The following DCK variants were observed in gnomAD, a reference collection of about 807,000 sequenced individuals.
The protein encoded by DCK is deoxyadenosine kinase.
A neutral mutation model predicts 38.3 loss-of-function variants in DCK; 23 were observed. The ratio of observed to expected loss-of-function variants is 0.60; its 90% CI spans 0.43 to 0.85. The LOEUF (loss-of-function observed/expected upper bound fraction) is 0.85, where lower values mean the gene tolerates loss of function less well. Among genes scored for constraint, DCK ranks in the 40% least tolerant of loss-of-function variants. The pLI is 0.00. For synonymous variants in DCK, 108 were observed against 100.6 expected, an observed-to-expected ratio of 1.07 and a Z score of -0.44; for missense variants, 259 against 304.4, an observed-to-expected ratio of 0.85 and a Z score of 1.11.
chr4:70,995,467 C>T (rs1319370165), intron 1 of DCK, among the ~76,000 whole-genome samples: 1 of 152,170 alleles, frequency 6.6e-6, no homozygotes, highest in African/African-American at 2.4e-5. Flanking sequence ...GTGCCTCCAG[C>T]TACTCAGGAG....
chr4:70,993,824 C>G lies in DCK; in HGVS notation c.-12C>G, dbSNP rs200193775. 238 of 1,607,290 alleles carry G rather than the reference C, an allele frequency of 1.5e-4. No homozygotes were observed. In the Middle Eastern group the frequency reaches 4.3e-3, roughly 29 times the overall value. On this transcript the variant is annotated 5_prime_UTR_variant, in exon 1 of 7. Coordinates refer to ENST00000286648, the MANE Select transcript of DCK (RefSeq NM_000788.3). ...TTGCCGGACGAGCTCTGGGCCGCCACAAGACTAAGGAATGGCCACCCCGCC... is the reference window on the plus strand; with the variant it reads ...TTGCCGGACGAGCTCTGGGCCGCCAGAAGACTAAGGAATGGCCACCCCGCC...
intron 2 of DCK, among the ~76,000 whole-genome samples, chr4:71,010,422 G>A (rs1740057823): frequency 6.6e-6 from 1 of 150,986 alleles, no homozygotes. Context: ...TAGGCCCAAA[G>A]TTTTGATTTA....
Position 71,016,316 on chromosome 4 carries a change from C to T in DCK, c.208-6051C>T, listed in dbSNP as rs142264574. Reference sequence around the variant, plus strand: ...AACAAATGGAAGAACATTTCATGCTCGTGGATAGGAAGAATCAATATCGTG... The same window carrying T: ...AACAAATGGAAGAACATTTCATGCTTGTGGATAGGAAGAATCAATATCGTG... On this transcript the variant is annotated intron_variant, in intron 2 of 6. Transcript: ENST00000286648. Among the ~76,000 whole-genome samples the T allele has an allele frequency of 3.7e-4, 56 of 152,262 alleles. 1 individual carries two copies. The highest frequency in any genetic ancestry group is 1.3e-3 in the African/African-American group (52 of 41,530).
chr4:71,021,753 T>G (rs1740428200), intron 2 of DCK, among the ~76,000 whole-genome samples: 1 of 152,100 alleles, frequency 6.6e-6, no homozygotes. Flanking sequence ...ACGTAATCCC[T>G]GCACTTTGGG....
At chr4:70,998,925 C>CAA (rs1209192017) in intron 2 of DCK, among the ~76,000 whole-genome samples, 3 of 95,146 alleles carry the variant, frequency 3.2e-5, no homozygotes, top group African/African-American at 3.7e-5. Flanking sequence ...ACTGTCTCAA[C>CAA]AAAAAAAAAA....
chr4:71,004,283 C>T lies in DCK; in HGVS notation c.207+6101C>T, dbSNP rs530206946. ...ATCCTGTTTGCCTGGGTATCACCAG[C>T]GGAGGCTGCAGAACAGCAAAGATTG... On this transcript the variant is annotated intron_variant, in intron 2 of 6. Coordinates refer to ENST00000286648, the MANE Select transcript of DCK (RefSeq NM_000788.3). Among the ~76,000 whole-genome samples, 21 of 152,356 alleles carry T rather than the reference C, an allele frequency of 1.4e-4. No homozygotes were observed. In the South Asian group the frequency reaches 3.5e-3, roughly 26 times the overall value.
At chr4:71,020,415 C>G (rs1182095843) in intron 2 of DCK, among the ~76,000 whole-genome samples, 1 of 152,120 alleles carries the variant, frequency 6.6e-6, no homozygotes, top group Non-Finnish European at 1.5e-5. Context: ...TTGTAAAATT[C>G]CCAATTAACT....
chr4:70,994,075 C>T lies in DCK; in HGVS notation c.91+149C>T, dbSNP rs531912291. ...ACGCGGCCTCGGCTTCCTTTCCCACCCAGAGCATCCTTCCCTTACCTCCCG... is the reference window on the plus strand; with the variant it reads ...ACGCGGCCTCGGCTTCCTTTCCCACTCAGAGCATCCTTCCCTTACCTCCCG... On this transcript the variant is annotated intron_variant, in intron 1 of 6. Coordinates refer to ENST00000286648, the MANE Select transcript of DCK (RefSeq NM_000788.3). 27 of 668,362 alleles carry T rather than the reference C, an allele frequency of 4.0e-5. 1 individual carries two copies. The Admixed American group carries it at 4.4e-4, about 11-fold the overall frequency. 41.4% of individuals were successfully genotyped at this position (668,362 alleles called of 1,614,324 possible). A position where few individuals can be genotyped will look rare whatever the true frequency, so the allele number is the denominator to read the frequency against.
chr4:70,996,295 T>A (rs1056395010), intron 1 of DCK, among the ~76,000 whole-genome samples: 2 of 151,836 alleles, frequency 1.3e-5, no homozygotes, highest in African/African-American at 4.8e-5. Flanking sequence ...ACCTATAGTT[T>A]GAGGCTGCCG....
In DCK at chr4:70,995,997, G is replaced by A. The variant is rs72552072; in HGVS notation, c.92-2070G>A. 8.2e-3 allele frequency among the ~76,000 whole-genome samples: 1,255 copies of A among 152,246 alleles called. 9 individuals are homozygous for A. Among genetic ancestry groups the A allele is most frequent in the African/African-American group, 0.029 (1,193 of 41,522 alleles). ...GAGGCAGGAGGATTGCTTGAGGCCA[G>A]GAGTTTGAGACTAGCATGGCAACAT... On this transcript the variant is annotated intron_variant, in intron 1 of 6. Coordinates refer to ENST00000286648, the MANE Select transcript of DCK (RefSeq NM_000788.3).
At position 71,001,586 on chromosome 4, in the gene DCK, G is replaced by A. The variant is rs138439426; in HGVS notation, c.207+3404G>A. 2.0e-4 allele frequency among the ~76,000 whole-genome samples: 31 copies of A among 152,222 alleles called. No homozygotes were observed. In the East Asian group the frequency reaches 6.0e-3, roughly 29 times the overall value. On this transcript the variant is annotated intron_variant, in intron 2 of 6. Coordinates refer to ENST00000286648, the MANE Select transcript of DCK (RefSeq NM_000788.3). ...GTACCAGTTCCTCTTTCTACCTGTG[G>A]TAGAATTCAGCTGTGAATCCATCTG...
intron 4 of DCK, among the ~76,000 whole-genome samples, chr4:71,025,601 A>G (rs979229445): frequency 6.6e-6 from 1 of 152,084 alleles, no homozygotes; most frequent in African/African-American, 2.4e-5. Context: ...CCAAAAATTT[A>G]TAGGCTTATT....
chr4:71,025,561 A>T (rs1249373834), intron 4 of DCK, among the ~76,000 whole-genome samples: 2 of 152,056 alleles, frequency 1.3e-5, no homozygotes. Context: ...CTTTTTATCA[A>T]ACTTAGTATA....
At chr4:70,994,486 C>T (rs1739614853) in intron 1 of DCK, among the ~76,000 whole-genome samples, 1 of 152,168 alleles carries the variant, frequency 6.6e-6, no homozygotes, top group African/African-American at 2.4e-5. Context: ...TAGGCTATAT[C>T]GCCTTTTGTG....
rs540570195 is a variant in DCK, at chr4:70,994,013, A to G, written c.91+87A>G. 6.1e-5 allele frequency: 59 copies of G among 961,618 alleles called. No homozygotes were observed. The East Asian group carries it at 1.4e-3, about 23-fold the overall frequency. 59.6% of individuals were successfully genotyped at this position (961,618 alleles called of 1,614,324 possible). A position where few individuals can be genotyped will look rare whatever the true frequency, so the allele number is the denominator to read the frequency against. On this transcript the variant is annotated intron_variant, in intron 1 of 6. Coordinates refer to ENST00000286648, the MANE Select transcript of DCK (RefSeq NM_000788.3). Reference sequence around the variant, plus strand: ...CCCTTCGCCGCATCTCTCTGCAGCAACTCGGTGAGGGCTTTCCCTCCAGCC... The same window carrying G: ...CCCTTCGCCGCATCTCTCTGCAGCAGCTCGGTGAGGGCTTTCCCTCCAGCC...
intron 1 of DCK, among the ~76,000 whole-genome samples, chr4:70,995,477 G>A (rs2148911063): frequency 6.6e-6 from 1 of 152,314 alleles, no homozygotes; most frequent in South Asian, 2.1e-4. Context: ...CTACTCAGGA[G>A]GCTGAGGCAG....
intron 6 of DCK, among the ~76,000 whole-genome samples, chr4:71,028,120 A>T (rs1264196028): frequency 6.6e-6 from 1 of 152,210 alleles, no homozygotes; most frequent in Non-Finnish European, 1.5e-5. Context: ...ATTGCAAAGT[A>T]TGTGATTCAC....
intron 2 of DCK, among the ~76,000 whole-genome samples, chr4:71,015,689 A>AT (rs1232122412): frequency 6.6e-6 from 1 of 152,214 alleles, no homozygotes; most frequent in Non-Finnish European, 1.5e-5. Flanking sequence ...AAACCACATG[A>AT]TTATCTCAAT....
At chr4:71,022,656 T>G in intron 3 of DCK, 96 bp downstream of exon 3, 1 of 652,152 alleles carries the variant, frequency 1.5e-6, no homozygotes, top group Admixed American at 3.6e-5. Flanking sequence ...TTAGTAATAA[T>G]GAATGGCTGA....
Sources: gnomAD v4.1 joint callset for allele counts (sites outside exome capture counted in the v4.1 genomes callset) on GRCh38, gnomAD v4.1.1 for gene constraint, MANE v1.5 for transcripts, NCBI Gene and HGNC (gene_info 2026-07-23, HGNC 2026-07-21) for gene names.